Variants in MECOM observed in about 807,000 individuals in gnomAD.
The protein encoded by MECOM is histone-lysine N-methyltransferase MECOM.
In MECOM, 13 loss-of-function variants were observed where a neutral mutation model predicts 116.3. The observed-to-expected ratio is 0.11, with a 90% CI of 0.07 to 0.18. The LOEUF (loss-of-function observed/expected upper bound fraction) is 0.18. Ranked by LOEUF, MECOM falls within the 10% of genes least tolerant of loss-of-function variation. The probability of loss-of-function intolerance (pLI) is 1.00; values close to 1 mark genes in which losing one functional copy is unlikely to be tolerated. For missense variants in MECOM, 1,299 were observed against 1,509.0 expected (o/e 0.86, Z 2.31); for synonymous variants, 528 against 535.2 (o/e 0.99, Z 0.19).
chr3:169,547,189 C>T (rs1175287812), intron 1 of MECOM, among the ~76,000 whole-genome samples: 2 of 152,066 alleles, frequency 1.3e-5, no homozygotes, highest in African/African-American at 4.8e-5. Flanking sequence ...TCATGAGATC[C>T]GGTTGTTGGA....
At chr3:169,349,799 T>C (rs1013903088) in intron 2 of MECOM, among the ~76,000 whole-genome samples, 85 of 152,032 alleles carry the variant, frequency 5.6e-4, no homozygotes, top group African/African-American at 1.7e-3. Flanking sequence ...TGTGGGCCAA[T>C]GAATATGAGA....
chr3:169,485,877 A>ATATATAG (rs1553867544), intron 1 of MECOM, among the ~76,000 whole-genome samples: 2,984 of 36,696 alleles, frequency 0.081, 112 homozygotes, highest in East Asian at 0.21. Flanking sequence ...GTATATATGT[A>ATATATAG]TATATATGTA....
At chr3:169,520,646 A>T (rs1352386847) in intron 1 of MECOM, among the ~76,000 whole-genome samples, 1 of 152,172 alleles carries the variant, frequency 6.6e-6, no homozygotes, top group East Asian at 1.9e-4. Flanking sequence ...TTCTTGGATT[A>T]TCTCATTTCT....
chr3:169,292,289 C>T (rs1198163602), intron 2 of MECOM, among the ~76,000 whole-genome samples: 3 of 152,042 alleles, frequency 2.0e-5, no homozygotes, highest in Admixed American at 6.6e-5. Flanking sequence ...GCTGAGATCG[C>T]ACAACCACAC....
chr3:169,268,205 T>C (rs1285353413), intron 2 of MECOM, among the ~76,000 whole-genome samples: 2 of 152,208 alleles, frequency 1.3e-5, no homozygotes, highest in Non-Finnish European at 2.9e-5. Flanking sequence ...TGAAAAAAGA[T>C]GTATGTCTAA....
intron 2 of MECOM, among the ~76,000 whole-genome samples, chr3:169,333,847 G>A (rs963496089): frequency 2.5e-5 from 3 of 120,514 alleles, no homozygotes; most frequent in East Asian, 2.4e-4. Flanking sequence ...CTACCTCCCC[G>A]CCTTCCTTCC....
chr3:169,325,384 C>T (rs1331107382), intron 2 of MECOM, among the ~76,000 whole-genome samples: 6 of 152,154 alleles, frequency 3.9e-5, no homozygotes, highest in Non-Finnish European at 1.5e-5. Context: ...GACATAACAA[C>T]TGAAAAGTAT....
At chr3:169,214,327 CAATTT>C (rs887319893) in intron 2 of MECOM, among the ~76,000 whole-genome samples, 2 of 150,440 alleles carry the variant, frequency 1.3e-5, no homozygotes, top group African/African-American at 4.9e-5. Context: ...TTGCCAAATT[CAATTT>C]AATTATATGA....
intron 1 of MECOM, among the ~76,000 whole-genome samples, chr3:169,487,756 T>C (rs903787635): frequency 2.7e-5 from 4 of 146,738 alleles, no homozygotes; most frequent in African/African-American, 7.6e-5. Flanking sequence ...AGCTATGTGT[T>C]ATTTGGAAGA....
intron 2 of MECOM, among the ~76,000 whole-genome samples, chr3:169,321,869 T>A (rs1720921704): frequency 6.6e-6 from 1 of 152,228 alleles, no homozygotes; most frequent in Admixed American, 6.5e-5. Context: ...CTACTCATGG[T>A]TGCTGTCCTA....
chr3:169,128,491 G>A (rs1194288755), intron 4 of MECOM, among the ~76,000 whole-genome samples: 1 of 152,136 alleles, frequency 6.6e-6, no homozygotes, highest in South Asian at 2.1e-4. Context: ...AACAGTCAGG[G>A]AGTATAGAGC....
At chr3:169,432,191 C>T (rs1407333602) in intron 1 of MECOM, among the ~76,000 whole-genome samples, 1 of 151,268 alleles carries the variant, frequency 6.6e-6, no homozygotes, top group African/African-American at 2.4e-5. Context: ...CAGAGTCTTG[C>T]TCTGTCACCC....
At chr3:169,186,172 G>T (rs1746680344) in intron 2 of MECOM, among the ~76,000 whole-genome samples, 2 of 152,066 alleles carry the variant, frequency 1.3e-5, no homozygotes, top group African/African-American at 4.8e-5. Context: ...GGCAGAGAAA[G>T]CATCTGATGT....
intron 2 of MECOM, among the ~76,000 whole-genome samples, chr3:169,217,352 T>C (rs1751540005): frequency 6.6e-6 from 1 of 152,132 alleles, no homozygotes; most frequent in African/African-American, 2.4e-5. Flanking sequence ...CATTTTGGGT[T>C]TGTAATAAAC....
At chr3:169,390,861 G>T (rs976759418) in intron 1 of MECOM, among the ~76,000 whole-genome samples, 1 of 152,106 alleles carries the variant, frequency 6.6e-6, no homozygotes, top group Non-Finnish European at 1.5e-5. Context: ...TATATTCTGG[G>T]TGAAAATATT....
intron 16 of MECOM, chr3:169,086,575 A>T (rs1259650129): frequency 8.6e-6 from 6 of 701,350 alleles, no homozygotes; most frequent in African/African-American, 3.5e-5. Flanking sequence ...CCTATAAAAC[A>T]GATGATAGTA....
chr3:169,581,376 T>C (rs546635844), intron 1 of MECOM, among the ~76,000 whole-genome samples: 1 of 152,142 alleles, frequency 6.6e-6, no homozygotes, highest in Non-Finnish European at 1.5e-5. Flanking sequence ...TCCTCCACCA[T>C]CAAACCCTAC....
At chr3:169,622,250 C>T (rs765831913) in intron 1 of MECOM, among the ~76,000 whole-genome samples, 3 of 152,026 alleles carry the variant, frequency 2.0e-5, no homozygotes, top group Non-Finnish European at 2.9e-5. Flanking sequence ...CCACCATGCC[C>T]GGCTAATTTT....
At chr3:169,412,424 G>A (rs1362383187) in intron 1 of MECOM, among the ~76,000 whole-genome samples, 1 of 151,856 alleles carries the variant, frequency 6.6e-6, no homozygotes, top group Non-Finnish European at 1.5e-5. Context: ...TAAAAAGAAA[G>A]ATGATGTTCC....
Sources: allele counts gnomAD v4.1 joint callset (sites outside exome capture counted in the v4.1 genomes callset), GRCh38; gene constraint gnomAD v4.1.1; transcripts MANE v1.5; gene names NCBI Gene and HGNC (gene_info 2026-07-23, HGNC 2026-07-21).